The following UNC5C variants were observed in gnomAD, a reference collection of about 807,000 sequenced individuals.
UNC5C encodes the protein unc-5 netrin receptor C, also known as netrin receptor UNC5C.
UNC5C carries 47 observed loss-of-function variants against 99.8 expected under a neutral mutation model. The ratio of observed to expected loss-of-function variants is 0.47; its 90% CI spans 0.37 to 0.60. The LOEUF is 0.60. Among genes scored for constraint, UNC5C ranks in the 20% least tolerant of loss-of-function variants. The pLI, the probability that UNC5C is intolerant of heterozygous loss-of-function variation, is 0.00. For synonymous variants in UNC5C, 487 were observed against 452.2 expected (o/e 1.08, Z -0.98); for missense variants, 1,062 against 1,165.9 (o/e 0.91, Z 1.30).
Position 95,457,288 on chromosome 4 carries a change from A to G in UNC5C, c.124+91446T>C, listed in dbSNP as rs1008798890. Among the ~76,000 whole-genome samples, 7 of 152,212 alleles carry G rather than the reference A, an allele frequency of 4.6e-5. 1 individual carries two copies. The highest frequency in any genetic ancestry group is 1.7e-4 in the African/African-American group (7 of 41,564). On this transcript the variant is annotated intron_variant, in intron 1 of 15. Coordinates refer to ENST00000453304, the MANE Select transcript of UNC5C (RefSeq NM_003728.4). ...TATACTTTAAAAAATGAAGAAGGGA[A>G]CCATTTTTCATATAGGGTACAGATT...
intron 1 of UNC5C, among the ~76,000 whole-genome samples, chr4:95,415,445 C>A (rs1746134025): frequency 1.3e-5 from 2 of 151,898 alleles, no homozygotes; most frequent in South Asian, 2.1e-4. Context: ...TGATTCATAG[C>A]AAACTCTTGG....
intron 14 of UNC5C, among the ~76,000 whole-genome samples, chr4:95,171,187 A>T (rs1423809952): frequency 2.0e-5 from 3 of 152,040 alleles, no homozygotes; most frequent in African/African-American, 7.2e-5. Context: ...AAATCTACTT[A>T]ATCTACTATA....
chr4:95,507,575 C>T (rs903621302), intron 1 of UNC5C, among the ~76,000 whole-genome samples: 1 of 152,062 alleles, frequency 6.6e-6, no homozygotes, highest in African/African-American at 2.4e-5. Context: ...GATCCCAAGA[C>T]CCATTCTCTA....
intron 10 of UNC5C, among the ~76,000 whole-genome samples, chr4:95,210,936 TC>T (rs1386185083): frequency 3.9e-5 from 6 of 152,244 alleles, no homozygotes; most frequent in Non-Finnish European, 8.8e-5. Context: ...TTACCTCTTT[TC>T]CAGAAGAGGA....
intron 4 of UNC5C, among the ~76,000 whole-genome samples, chr4:95,267,809 A>G (rs117640531): frequency 6.6e-6 from 1 of 151,766 alleles, no homozygotes; most frequent in South Asian, 2.1e-4. Context: ...AAAAAAAATC[A>G]TTTTTTCCCC....
In UNC5C at chr4:95,202,979, G is replaced by A; in HGVS notation, c.1903-15C>T. Reference sequence around the variant, plus strand: ...ACCACCACATCCTGGGGGACAAGAGGGAAGGGCCATGGCTAAGTCACCCAG... The same window carrying A: ...ACCACCACATCCTGGGGGACAAGAGAGAAGGGCCATGGCTAAGTCACCCAG... On this transcript the variant is annotated splice_polypyrimidine_tract_variant and intron_variant, in intron 11 of 15. Coordinates refer to ENST00000453304, the MANE Select transcript of UNC5C (RefSeq NM_003728.4). The A allele has an allele frequency of 6.2e-7, 1 of 1,613,632 alleles. No individual in the cohort carries two copies. The highest frequency in any genetic ancestry group is 8.5e-7 in the Non-Finnish European group (1 of 1,179,772).
chr4:95,222,292 A>G, intron 7 of UNC5C: 2 of 1,378,274 alleles, frequency 1.5e-6, no homozygotes, highest in Non-Finnish European at 1.9e-6. Flanking sequence ...AAATGAAACA[A>G]AAATGGGAAC....
chr4:95,439,057 C>G (rs1746872810), intron 1 of UNC5C, among the ~76,000 whole-genome samples: 1 of 152,102 alleles, frequency 6.6e-6, no homozygotes, highest in Non-Finnish European at 1.5e-5. Flanking sequence ...AAAACTCTAT[C>G]AGTGATTTCA....
chr4:95,409,527 T>G (rs868853913), intron 1 of UNC5C, among the ~76,000 whole-genome samples: 2 of 152,354 alleles, frequency 1.3e-5, no homozygotes, highest in Middle Eastern at 3.4e-3. Flanking sequence ...TACACACTTG[T>G]GTAAAAGCTT....
chr4:95,238,288 T>A (rs1192231572), intron 7 of UNC5C, among the ~76,000 whole-genome samples: 1 of 152,204 alleles, frequency 6.6e-6, no homozygotes, highest in Non-Finnish European at 1.5e-5. Context: ...CTAGTTTTCC[T>A]TTTGCCAATT....
chr4:95,365,706 T>C (rs1744541495), intron 1 of UNC5C, among the ~76,000 whole-genome samples: 1 of 152,092 alleles, frequency 6.6e-6, no homozygotes, highest in Non-Finnish European at 1.5e-5. Flanking sequence ...AGAGTTAAAA[T>C]GAGACATGTT....
chr4:95,192,516 A>C (rs1444549760), intron 12 of UNC5C, among the ~76,000 whole-genome samples: 103 of 60,156 alleles, frequency 1.7e-3, no homozygotes, highest in African/African-American at 2.1e-3. Flanking sequence ...TCCCCTGCTC[A>C]CCTCCTCCCC....
intron 14 of UNC5C, among the ~76,000 whole-genome samples, chr4:95,176,559 G>T (rs1443913195): frequency 6.6e-6 from 1 of 150,622 alleles, no homozygotes; most frequent in East Asian, 1.9e-4. Flanking sequence ...CTGCTCAGGG[G>T]TAGGGGTCAG....
intron 5 of UNC5C, chr4:95,248,252 C>T: frequency 1.2e-5 from 3 of 257,604 alleles, no homozygotes; most frequent in Non-Finnish European, 2.3e-5. Flanking sequence ...ATTGGTGTAA[C>T]ACAAATCAAC....
intron 1 of UNC5C, among the ~76,000 whole-genome samples, chr4:95,385,156 T>G (rs1202375309): frequency 6.6e-6 from 1 of 152,150 alleles, no homozygotes; most frequent in African/African-American, 2.4e-5. Flanking sequence ...TTTGTAGACT[T>G]GCAGTCAAAG....
intron 7 of UNC5C, among the ~76,000 whole-genome samples, chr4:95,238,807 C>T (rs1244487853): frequency 6.6e-6 from 1 of 152,154 alleles, no homozygotes; most frequent in African/African-American, 2.4e-5. Context: ...TTCTCTTCAG[C>T]TTTATCTAAA....
At position 95,165,418 on chromosome 4, in the gene UNC5C, T is replaced by C. The variant is rs1433242614; in HGVS notation, c.*3816A>G. ...CACAGCAGGATGGGGGTTTTCTGCATAGCAGAGGTGACTGTTCATTTGGAA... is the reference window on the plus strand; with the variant it reads ...CACAGCAGGATGGGGGTTTTCTGCACAGCAGAGGTGACTGTTCATTTGGAA... On this transcript the variant is annotated 3_prime_UTR_variant, in exon 16 of 16. Transcript: ENST00000453304. The C allele has an allele frequency of 6.6e-6, 1 of 152,236 alleles. No individual in the cohort carries two copies. The highest frequency in any genetic ancestry group is 1.9e-4 in the East Asian group (1 of 5,190). 9.4% of individuals were successfully genotyped at this position (152,236 alleles called of 1,614,324 possible). A position where few individuals can be genotyped will look rare whatever the true frequency, so the allele number is the denominator to read the frequency against.
intron 7 of UNC5C, among the ~76,000 whole-genome samples, chr4:95,223,988 G>C (rs1179941212): frequency 6.6e-6 from 1 of 152,116 alleles, no homozygotes; most frequent in East Asian, 1.9e-4. Context: ...CTTTTGGTAA[G>C]AATCAGCCTG....
chr4:95,359,583 G>C (rs998517453), intron 1 of UNC5C, among the ~76,000 whole-genome samples: 1 of 151,508 alleles, frequency 6.6e-6, no homozygotes, highest in African/African-American at 2.4e-5. Context: ...CCTCTGGGAC[G>C]CAACTTTTTA....
Sources: allele counts gnomAD v4.1 joint callset (sites outside exome capture counted in the v4.1 genomes callset), GRCh38; gene constraint gnomAD v4.1.1; transcripts MANE v1.5; gene names NCBI Gene and HGNC (gene_info 2026-07-23, HGNC 2026-07-21).